Variants in ADAM32 observed in about 807,000 individuals in gnomAD.
ADAM32 encodes ADAM metallopeptidase domain 32.
A neutral mutation model predicts 114.9 loss-of-function variants in ADAM32; 89 were observed. That is an observed-to-expected ratio of 0.77 (90% CI 0.65 to 0.92). The LOEUF (loss-of-function observed/expected upper bound fraction) is 0.92, where lower values mean the gene tolerates loss of function less well. Among genes scored for constraint, ADAM32 ranks in the 40% least tolerant of loss-of-function variants. The probability of loss-of-function intolerance (pLI) is 0.00; values close to 1 mark genes in which losing one functional copy is unlikely to be tolerated. For synonymous variants in ADAM32, 285 were observed against 307.5 expected, an observed-to-expected ratio of 0.93 and a Z score of 0.77; for missense variants, 870 against 932.8, an observed-to-expected ratio of 0.93 and a Z score of 0.88.
At chr8:39,204,080 C>T (rs1318564961) in intron 11 of ADAM32, among the ~76,000 whole-genome samples, 1 of 152,160 alleles carries the variant, frequency 6.6e-6, no homozygotes, top group Admixed American at 6.5e-5. Context: ...TCCTTCATTT[C>T]AACTTTGGTG....
chr8:39,159,874 C>T (rs139572613), intron 6 of ADAM32, among the ~76,000 whole-genome samples: 1 of 152,146 alleles, frequency 6.6e-6, no homozygotes, highest in South Asian at 2.1e-4. Context: ...TAATGGATGC[C>T]AATGAGCTGG....
At chr8:39,109,787 C>T (rs573063325) in intron 1 of ADAM32, among the ~76,000 whole-genome samples, 66 of 152,174 alleles carry the variant, frequency 4.3e-4, no homozygotes, top group African/African-American at 1.5e-3. Flanking sequence ...TCCACATTGC[C>T]CATTCTATGG....
At chr8:39,187,974 G>A (rs756473568) in intron 11 of ADAM32, among the ~76,000 whole-genome samples, 10 of 152,172 alleles carry the variant, frequency 6.6e-5, no homozygotes, top group Non-Finnish European at 1.2e-4. Flanking sequence ...TACAGCAGGT[G>A]TCATTAGCAT....
chr8:39,250,802 A>G (rs1811237125), intron 17 of ADAM32, among the ~76,000 whole-genome samples: 1 of 151,878 alleles, frequency 6.6e-6, no homozygotes, highest in Non-Finnish European at 1.5e-5. Flanking sequence ...ATTTGTACCT[A>G]TTAATCAACC....
At chr8:39,131,095 T>C (rs868434685) in intron 2 of ADAM32, among the ~76,000 whole-genome samples, 8 of 151,780 alleles carry the variant, frequency 5.3e-5, no homozygotes, top group Middle Eastern at 3.2e-3. Flanking sequence ...TAGCTGGGAC[T>C]ACAGGCGCCC....
intron 12 of ADAM32, among the ~76,000 whole-genome samples, chr8:39,212,630 T>C (rs748650438): frequency 6.6e-6 from 1 of 152,210 alleles, no homozygotes; most frequent in Non-Finnish European, 1.5e-5. Context: ...CATCCATTTA[T>C]TTCATATCAC....
chr8:39,268,935 T>A (rs1057112580), intron 19 of ADAM32, among the ~76,000 whole-genome samples: 2 of 152,236 alleles, frequency 1.3e-5, no homozygotes, highest in African/African-American at 4.8e-5. Flanking sequence ...TCAACTCAGG[T>A]GGAACTCAAA....
At chr8:39,225,022 G>T (rs1809257181) in intron 14 of ADAM32, among the ~76,000 whole-genome samples, 1 of 152,152 alleles carries the variant, frequency 6.6e-6, no homozygotes, top group South Asian at 2.1e-4. Context: ...GAGGACAGAG[G>T]CGTCTTTTAT....
chr8:39,210,662 C>T (rs79831576), intron 11 of ADAM32, among the ~76,000 whole-genome samples: 37,412 of 152,110 alleles, frequency 0.25, 4,959 homozygotes, highest in Non-Finnish European at 0.29. Context: ...TAAAAATGGA[C>T]TTCCTATGGA....
upstream of ADAM32, chr8:39,107,667 G>C: frequency 6.5e-7 from 1 of 1,530,412 alleles, no homozygotes; most frequent in South Asian, 1.2e-5. Flanking sequence ...TCCGGAGAAC[G>C]CTGTCCCATG....
intron 2 of ADAM32, among the ~76,000 whole-genome samples, chr8:39,124,185 T>C (rs565362348): frequency 7.2e-5 from 11 of 152,056 alleles, no homozygotes; most frequent in Middle Eastern, 3.4e-3. Flanking sequence ...CTCCCCCAGC[T>C]CTCTGACAGG....
intron 10 of ADAM32, among the ~76,000 whole-genome samples, chr8:39,171,126 G>C (rs994167300): frequency 2.6e-5 from 4 of 151,990 alleles, no homozygotes; most frequent in African/African-American, 9.7e-5. Flanking sequence ...AGTAAAGAAG[G>C]GTTTTGAACA....
intron 16 of ADAM32, among the ~76,000 whole-genome samples, chr8:39,236,658 G>A (rs6995776): frequency 0.065 from 9,918 of 152,020 alleles, 1,120 homozygotes; most frequent in African/African-American, 0.23. Flanking sequence ...AGCTTATATT[G>A]ACACATCATT....
intron 7 of ADAM32, among the ~76,000 whole-genome samples, chr8:39,163,627 T>C (rs1804649059): frequency 6.6e-6 from 1 of 152,212 alleles, no homozygotes; most frequent in African/African-American, 2.4e-5. Flanking sequence ...AACAAATTCA[T>C]TGAGCATCAT....
chr8:39,257,486 G>A (rs925563578), intron 19 of ADAM32, 143 bp downstream of exon 19: 55 of 1,087,748 alleles, frequency 5.1e-5, no homozygotes, highest in African/African-American at 8.0e-5. Context: ...AATTTTATGA[G>A]GTAGCTGTGA....
chr8:39,198,077 GT>G (rs898835552), intron 11 of ADAM32, among the ~76,000 whole-genome samples: 23 of 151,308 alleles, frequency 1.5e-4, no homozygotes, highest in East Asian at 3.9e-4. Context: ...TAATGACTTG[GT>G]TTTTTTTATG....
Position 39,151,532 on chromosome 8 carries a change from T to G in ADAM32, c.509T>G (p.Ile170Ser). Residue 170 changes from isoleucine to serine, a missense_variant, in exon 6 of 25, where the codon ATT becomes AGT. Coordinates refer to ENST00000379907, the MANE Select transcript of ADAM32 (RefSeq NM_145004.7). ...AAAGAACAACCAATGGATGACAACATTTTTATAAGTGAAAAAGTGAGTTGT... is the reference window on the plus strand; with the variant it reads ...AAAGAACAACCAATGGATGACAACAGTTTTATAAGTGAAAAAGTGAGTTGT... ...SLKEQPMDDN[I>S]FISEKSEPAV... The G allele has an allele frequency of 6.4e-7, 1 of 1,568,990 alleles. No individual in the cohort carries two copies. The highest frequency in any genetic ancestry group is 8.6e-7 in the Non-Finnish European group (1 of 1,163,210).
intron 12 of ADAM32, 103 bp from the exon 13 acceptor site, chr8:39,221,507 C>A: frequency 3.5e-6 from 3 of 857,868 alleles, no homozygotes; most frequent in Non-Finnish European, 5.5e-6. Context: ...GCATTCATAT[C>A]CTTTTCCAAA....
intron 1 of ADAM32, among the ~76,000 whole-genome samples, chr8:39,114,902 A>G (rs146570782): frequency 4.3e-4 from 65 of 152,112 alleles, no homozygotes; most frequent in African/African-American, 1.6e-3. Flanking sequence ...TTCTGGTTCT[A>G]TTGTGCCCCT....
Sources: gnomAD v4.1 joint callset for allele counts (sites outside exome capture counted in the v4.1 genomes callset) on GRCh38, gnomAD v4.1.1 for gene constraint, MANE v1.5 for transcripts, NCBI Gene and HGNC (gene_info 2026-07-23, HGNC 2026-07-21) for gene names.